The following PIK3CB variants were observed in gnomAD, a reference collection of about 807,000 sequenced individuals.
PIK3CB encodes the protein phosphatidylinositol-4,5-bisphosphate 3-kinase catalytic subunit beta.
In PIK3CB, 39 loss-of-function variants were observed where a neutral mutation model predicts 136.8. The observed-to-expected ratio is 0.29, with a 90% CI of 0.22 to 0.37. The LOEUF is 0.37. Ranked by LOEUF, PIK3CB falls within the 10% of genes least tolerant of loss-of-function variation. The pLI is 1.00. For missense variants in PIK3CB, 868 were observed against 1,275.4 expected, an observed-to-expected ratio of 0.68 and a Z score of 4.87; for synonymous variants, 428 against 436.6, an observed-to-expected ratio of 0.98 and a Z score of 0.25.
intron 1 of PIK3CB, among the ~76,000 whole-genome samples, chr3:138,809,606 C>A (rs369241097): frequency 0.018 from 1,997 of 113,452 alleles, no homozygotes; most frequent in Middle Eastern, 0.029. Flanking sequence ...GACTTTGCCT[C>A]AAAAAAAAAA....
intron 10 of PIK3CB, among the ~76,000 whole-genome samples, chr3:138,710,315 A>T (rs2044471262): frequency 6.6e-6 from 1 of 152,198 alleles, no homozygotes; most frequent in Non-Finnish European, 1.5e-5. Context: ...ACACACACAC[A>T]CACTATTAGA....
chr3:138,722,131 T>A (rs1233493209), intron 8 of PIK3CB, among the ~76,000 whole-genome samples: 11 of 31,956 alleles, frequency 3.4e-4, no homozygotes, highest in Admixed American at 9.2e-4. Flanking sequence ...TACTGGGTGT[T>A]TTTTTTTTTT....
At chr3:138,778,502 G>T in intron 2 of PIK3CB, 1 of 238,442 alleles carries the variant, frequency 4.2e-6, no homozygotes, top group South Asian at 4.7e-5. Context: ...GGAGCTCACT[G>T]GCATAGCCTT....
intron 21 of PIK3CB, among the ~76,000 whole-genome samples, chr3:138,659,831 T>A (rs1176670302): frequency 2.0e-5 from 3 of 151,494 alleles, no homozygotes; most frequent in Middle Eastern, 3.4e-3. Context: ...TGTCTTAGTA[T>A]ATTATTTGCT....
intron 19 of PIK3CB, among the ~76,000 whole-genome samples, chr3:138,665,667 C>G (rs1028405902): frequency 2.6e-5 from 4 of 152,330 alleles, no homozygotes; most frequent in Non-Finnish European, 5.9e-5. Context: ...TTGCCAGCCT[C>G]CAGCCATCCT....
intron 1 of PIK3CB, among the ~76,000 whole-genome samples, chr3:138,823,636 G>A (rs6786465): frequency 0.024 from 3,685 of 152,284 alleles, 69 homozygotes; most frequent in South Asian, 0.067. Context: ...CAGGGAGTCA[G>A]AGGTTGCAGT....
intron 2 of PIK3CB, among the ~76,000 whole-genome samples, chr3:138,769,589 T>C (rs1468748246): frequency 2.6e-5 from 4 of 152,222 alleles, no homozygotes; most frequent in African/African-American, 9.6e-5. Context: ...GGAGAGGGCA[T>C]ACTCACAAAA....
At chr3:138,783,322 C>T (rs2045941293) in intron 2 of PIK3CB, among the ~76,000 whole-genome samples, 1 of 151,050 alleles carries the variant, frequency 6.6e-6, no homozygotes, top group African/African-American at 2.5e-5. Flanking sequence ...CACTCTGCCA[C>T]CCAGGCTGGA....
intron 1 of PIK3CB, among the ~76,000 whole-genome samples, chr3:138,823,367 A>C (rs1236049021): frequency 6.6e-6 from 1 of 152,052 alleles, no homozygotes; most frequent in Non-Finnish European, 1.5e-5. Context: ...ATAACTATGA[A>C]CACGTAACTT....
chr3:138,827,878 C>T (rs1015280360), intron 1 of PIK3CB, among the ~76,000 whole-genome samples: 20 of 151,392 alleles, frequency 1.3e-4, no homozygotes, highest in African/African-American at 4.6e-4. Flanking sequence ...ATCCCAGCCA[C>T]TCAGGAGGCT....
intron 8 of PIK3CB, among the ~76,000 whole-genome samples, chr3:138,719,527 G>T (rs183157108): frequency 6.6e-6 from 1 of 151,988 alleles, no homozygotes; most frequent in Admixed American, 6.6e-5. Context: ...CTTTAACACC[G>T]GTCTAGCGTG....
chr3:138,656,269 C>T lies in PIK3CB; in HGVS notation c.2948G>A (p.Arg983His), dbSNP rs771812474. Residue 983 changes from arginine (R) to histidine (H), a missense_variant, in exon 23 of 24, where the codon CGC becomes CAC. Around this residue, in one of 4 missense-constraint regions of PIK3CB, gnomAD observed 88 missense variants for 147.8 expected, o/e 0.60. Coordinates refer to ENST00000674063, the MANE Select transcript of PIK3CB (RefSeq NM_006219.3). ...CAGATATGCATCCTCACAACACTGG[C>T]GGAACCTTTGGGTGATGCAGCAAAC... ...TGNTEKFGRF[R>H]QCCEDAYLIL... 9.9e-6 allele frequency: 16 copies of T among 1,613,912 alleles called. No individual in the cohort carries two copies. The highest frequency in any genetic ancestry group is 1.3e-5 in the Non-Finnish European group (15 of 1,179,990).
rs753824227 is a variant in PIK3CB, at chr3:138,655,539, G to A, written c.3076-13C>T. The A allele has an allele frequency of 6.2e-7, 1 of 1,600,500 alleles. No homozygotes were observed. The highest frequency in any genetic ancestry group is 2.2e-5 in the East Asian group (1 of 44,808). ...ATGCAAGAGAGTCCTAAAATGGAAG[G>A]GGGAAAATATGATTTTATATAACTT... On this transcript the variant is annotated splice_polypyrimidine_tract_variant and intron_variant, in intron 23 of 23. Coordinates refer to ENST00000674063, the MANE Select transcript of PIK3CB (RefSeq NM_006219.3).
Position 138,825,113 on chromosome 3 carries a change from T to G in PIK3CB, c.-122+9582A>C, listed in dbSNP as rs1172244064. The G allele has an allele frequency of 2.8e-5, 8 of 284,422 alleles. No individual in the cohort carries two copies. In the Admixed American group the frequency reaches 3.1e-4, roughly 11 times the overall value. The allele number at this position is 284,422 out of a possible 1,614,324, so 17.6% of individuals were successfully genotyped here. ...AGATGGGAAAGGACTCCTTCAAGTA[T>G]GCCTGGGTCTTGGATAAACTGAAAG... On this transcript the variant is annotated intron_variant, in intron 1 of 23. Transcript: ENST00000674063.
chr3:138,670,879 T>A (rs2043519069), intron 19 of PIK3CB, among the ~76,000 whole-genome samples: 2 of 152,136 alleles, frequency 1.3e-5, no homozygotes, highest in African/African-American at 4.8e-5. Context: ...ACAGCTACAA[T>A]CCCAAATTGC....
chr3:138,698,646 C>T (rs1312079447), intron 13 of PIK3CB, among the ~76,000 whole-genome samples: 9 of 152,088 alleles, frequency 5.9e-5, no homozygotes, highest in African/African-American at 2.2e-4. Flanking sequence ...GAAAGTGGTA[C>T]TTTTGATAGA....
At chr3:138,658,778 TATTC>T (rs1057028838) in intron 21 of PIK3CB, among the ~76,000 whole-genome samples, 90 of 152,370 alleles carry the variant, frequency 5.9e-4, no homozygotes, top group Middle Eastern at 6.8e-3. Context: ...TGTACGCATG[TATTC>T]ATTCATTCAT....
intron 2 of PIK3CB, among the ~76,000 whole-genome samples, chr3:138,781,199 A>G (rs2045919042): frequency 6.6e-6 from 1 of 151,186 alleles, no homozygotes; most frequent in Non-Finnish European, 1.5e-5. Context: ...TGTTGAGGTG[A>G]GAGAATTGCT....
At chr3:138,655,848 C>G (rs1165958467) in intron 23 of PIK3CB, among the ~76,000 whole-genome samples, 2 of 152,196 alleles carry the variant, frequency 1.3e-5, no homozygotes, top group African/African-American at 4.8e-5. Context: ...TGTGGAAAAT[C>G]AAGGTGGCAA....
Sources: allele counts gnomAD v4.1 joint callset (sites outside exome capture counted in the v4.1 genomes callset), GRCh38; gene constraint gnomAD v4.1.1; regional missense constraint gnomAD v4.1.1; transcripts MANE v1.5; gene names NCBI Gene and HGNC (gene_info 2026-07-23, HGNC 2026-07-21).